The following RGS6 variants were observed in gnomAD, a reference collection of about 807,000 sequenced individuals.
RGS6 encodes regulator of G protein signaling 6.
A neutral mutation model predicts 78.5 loss-of-function variants in RGS6; 30 were observed. The ratio of observed to expected loss-of-function variants is 0.38; its 90% CI spans 0.29 to 0.52. RGS6 has a LOEUF of 0.52. Among genes scored for constraint, RGS6 ranks in the 20% least tolerant of loss-of-function variants. The pLI is 0.85. For missense variants in RGS6, 495 were observed against 609.7 expected (o/e 0.81, Z 1.98); for synonymous variants, 206 against 206.0 (o/e 1.00, Z 0.00).
At chr14:72,448,664 T>G (rs2095423770) in intron 3 of RGS6, among the ~76,000 whole-genome samples, 1 of 152,186 alleles carries the variant, frequency 6.6e-6, no homozygotes, top group Admixed American at 6.5e-5. Context: ...AATTATTAGT[T>G]CAACAGCTAA....
Position 72,267,695 on chromosome 14 carries a change from A to G in RGS6, c.85-84400A>G, listed in dbSNP as rs116241149. On this transcript the variant is annotated intron_variant, in intron 2 of 17. Coordinates refer to ENST00000553525, the MANE Select transcript of RGS6 (RefSeq NM_001204424.2). ...TTGCCATTCCAACTCCATGGAGCAA[A>G]TGGCTTCCTAAAAGCCAGCAGAGAA... is the stretch of plus-strand genomic sequence containing the variant. Among the ~76,000 whole-genome samples, 1,517 of 152,318 alleles carry G rather than the reference A, an allele frequency of 1.0e-2. 24 individuals carry two copies. The highest frequency in any genetic ancestry group is 0.035 in the African/African-American group (1,458 of 41,558).
At chr14:72,068,408 T>G (rs917520197) in intron 2 of RGS6, among the ~76,000 whole-genome samples, 23 of 152,192 alleles carry the variant, frequency 1.5e-4, no homozygotes, top group Non-Finnish European at 2.8e-4. Context: ...GTGCTGAGAT[T>G]ACAGGCGTGA....
the RGS6 span, among the ~76,000 whole-genome samples, chr14:72,607,085 CT>C: frequency 6.6e-6 from 1 of 152,194 alleles, no homozygotes; most frequent in Non-Finnish European, 1.5e-5. Context: ...CTCCATCCCT[CT>C]GACTCAGGGC....
At chr14:72,461,716 C>G (rs1344960683) in intron 6 of RGS6, among the ~76,000 whole-genome samples, 1 of 152,018 alleles carries the variant, frequency 6.6e-6, no homozygotes, top group Non-Finnish European at 1.5e-5. Flanking sequence ...ACCAGTACTC[C>G]CCAGGGTTTC....
chr14:72,035,054 G>A lies in RGS6; in HGVS notation c.84+70179G>A, dbSNP rs1013519661. Among the ~76,000 whole-genome samples the A allele has an allele frequency of 3.3e-5, 5 of 151,950 alleles. No homozygotes were observed. The South Asian group carries it at 6.2e-4, about 19-fold the overall frequency. ...TCATCCCTTTGTCCAGCATTTCTAC[G>A]TATACACTACTCCCCCATTACTGTA... is the stretch of plus-strand genomic sequence containing the variant. On this transcript the variant is annotated intron_variant, in intron 2 of 17. Coordinates refer to ENST00000553525, the MANE Select transcript of RGS6 (RefSeq NM_001204424.2).
At chr14:72,023,085 C>G (rs1217289767) in intron 2 of RGS6, among the ~76,000 whole-genome samples, 1 of 152,212 alleles carries the variant, frequency 6.6e-6, no homozygotes, top group Non-Finnish European at 1.5e-5. Flanking sequence ...CATCAGAGGA[C>G]ATAGCTCTTA....
chr14:72,335,987 A>C (rs887585130), intron 2 of RGS6, among the ~76,000 whole-genome samples: 1 of 152,176 alleles, frequency 6.6e-6, no homozygotes, highest in South Asian at 2.1e-4. Context: ...CTCAGTGTGA[A>C]CTGGAAGCAG....
chr14:72,210,435 A>T (rs2043820665), intron 2 of RGS6, among the ~76,000 whole-genome samples: 1 of 152,234 alleles, frequency 6.6e-6, no homozygotes, highest in Non-Finnish European at 1.5e-5. Context: ...TAATCAAGGA[A>T]GGACATGATA....
At chr14:72,295,260 C>T (rs2064539431) in intron 2 of RGS6, among the ~76,000 whole-genome samples, 1 of 148,326 alleles carries the variant, frequency 6.7e-6, no homozygotes, top group Non-Finnish European at 1.5e-5. Flanking sequence ...CACTGCACTC[C>T]AGCCTGGGCG....
chr14:72,554,113 A>C (rs2097540467), intron 17 of RGS6, among the ~76,000 whole-genome samples: 1 of 152,240 alleles, frequency 6.6e-6, no homozygotes, highest in African/African-American at 2.4e-5. Context: ...GAAGAAAGAA[A>C]TGAGCCGGCC....
chr14:72,607,306 G>A, the RGS6 span, among the ~76,000 whole-genome samples: 1 of 152,224 alleles, frequency 6.6e-6, no homozygotes, highest in Admixed American at 6.5e-5. Flanking sequence ...AGACTGGAAA[G>A]TCCAAGATCA....
the RGS6 span, among the ~76,000 whole-genome samples, chr14:72,583,862 T>C: frequency 6.6e-6 from 1 of 152,196 alleles, no homozygotes; most frequent in African/African-American, 2.4e-5. Context: ...CCCGCCGGCT[T>C]CCTGCACTGG....
At chr14:71,995,120 G>T (rs761015836) in intron 2 of RGS6, among the ~76,000 whole-genome samples, 1 of 152,082 alleles carries the variant, frequency 6.6e-6, no homozygotes, top group Non-Finnish European at 1.5e-5. Context: ...TGTCAAAACT[G>T]AACATCTTTC....
At chr14:72,196,255 C>A (rs186634156) in intron 2 of RGS6, among the ~76,000 whole-genome samples, 31 of 152,148 alleles carry the variant, frequency 2.0e-4, no homozygotes, top group African/African-American at 7.2e-4. Context: ...GGGATGGAGC[C>A]CACTGTGGGT....
chr14:72,481,424 T>G (rs551003497), intron 12 of RGS6, among the ~76,000 whole-genome samples: 2 of 152,124 alleles, frequency 1.3e-5, no homozygotes, highest in East Asian at 3.9e-4. Flanking sequence ...ACCCTCTGTC[T>G]CCCCCCAGTC....
intron 15 of RGS6, among the ~76,000 whole-genome samples, chr14:72,528,727 A>G (rs1225101654): frequency 6.6e-6 from 1 of 152,200 alleles, no homozygotes; most frequent in African/African-American, 2.4e-5. Flanking sequence ...CAAGAAAGAG[A>G]GAGAGCACGC....
intron 12 of RGS6, among the ~76,000 whole-genome samples, chr14:72,481,489 C>G (rs1240427783): frequency 6.6e-6 from 1 of 152,188 alleles, no homozygotes; most frequent in Non-Finnish European, 1.5e-5. Flanking sequence ...CTGCATGTCT[C>G]CTTCCACTGC....
At chr14:71,868,168 G>A in the RGS6 span, among the ~76,000 whole-genome samples, 27 of 152,316 alleles carry the variant, frequency 1.8e-4, no homozygotes, top group South Asian at 1.2e-3. Flanking sequence ...GTGTGTCAGG[G>A]AGAGTTGACT....
intron 2 of RGS6, among the ~76,000 whole-genome samples, chr14:72,097,680 C>T (rs966777483): frequency 6.6e-6 from 1 of 152,200 alleles, no homozygotes; most frequent in African/African-American, 2.4e-5. Flanking sequence ...CCCTTCCTCC[C>T]CCTCCTCTGC....
Sources: gnomAD v4.1 joint callset for allele counts (sites outside exome capture counted in the v4.1 genomes callset) on GRCh38, gnomAD v4.1.1 for gene constraint, MANE v1.5 for transcripts, NCBI Gene and HGNC (gene_info 2026-07-23, HGNC 2026-07-21) for gene names.